PCGF3: variants seen among roughly 807,000 people sequenced by gnomAD.
PCGF3 encodes polycomb group ring finger 3.
PCGF3 carries 7 observed loss-of-function variants against 33.1 expected under a neutral mutation model. The ratio of observed to expected loss-of-function variants is 0.21; its 90% confidence interval spans 0.12 to 0.40. PCGF3 has a LOEUF of 0.40. Among genes scored for constraint, PCGF3 ranks in the 10% least tolerant of loss-of-function variants. PCGF3 has a pLI of 1.00. For synonymous variants in PCGF3, 153 were observed against 121.3 expected, an observed-to-expected ratio of 1.26 and a Z score of -1.72; for missense variants, 211 against 313.3, an observed-to-expected ratio of 0.67 and a Z score of 2.46.
Position 754,619 on chromosome 4 carries a change from C to T in PCGF3, c.463-6660C>T, listed in dbSNP as rs189494560. ...GGTGGTGAGTCCGGGGCAGAGTGAA[C>T]GGGTAAGGCTGGAGGTGAGGTTGGG... is the stretch of plus-strand genomic sequence containing the variant. On this transcript the variant is annotated intron_variant, in intron 8 of 10. Transcript: ENST00000362003. Among the ~76,000 whole-genome samples the T allele has an allele frequency of 2.6e-4, 40 of 152,278 alleles. No homozygotes were observed. The East Asian group carries it at 4.6e-3, about 18-fold the overall frequency.
chr4:742,241 CCCT>C (rs777994421), intron 6 of PCGF3, among the ~76,000 whole-genome samples: 47 of 151,724 alleles, frequency 3.1e-4, no homozygotes, highest in Non-Finnish European at 6.6e-4. Context: ...TCTCGGGGTC[CCCT>C]CCTCTCTCTG....
intron 9 of PCGF3, 68 bp from the exon 10 acceptor site, chr4:764,916 A>C: frequency 9.5e-7 from 1 of 1,049,784 alleles, no homozygotes; most frequent in Non-Finnish European, 1.5e-6. Context: ...TCATACCAGC[A>C]TCAAGGTGGC....
chr4:722,432 T>G, intron 1 of PCGF3: 1 of 258,036 alleles, frequency 3.9e-6, no homozygotes, highest in Non-Finnish European at 7.6e-6. Flanking sequence ...TTTGGGGGTG[T>G]CTGAGCTGGG....
At chr4:733,598 G>T (rs1743711080) in intron 3 of PCGF3, 74 bp from the exon 4 acceptor site, 2 of 1,472,530 alleles carry the variant, frequency 1.4e-6, no homozygotes, top group Admixed American at 2.0e-5. Context: ...CCTGGGGGCG[G>T]CTGTCAGAGC....
intron 1 of PCGF3, among the ~76,000 whole-genome samples, chr4:724,358 G>A (rs576438164): frequency 3.3e-5 from 5 of 152,220 alleles, no homozygotes; most frequent in Admixed American, 6.5e-5. Context: ...CACCACAGCC[G>A]GCCGCACAGG....
At chr4:768,742 T>A (rs1196828954) in exon 11 of PCGF3, 1 of 152,658 alleles carries the variant, frequency 6.6e-6, no homozygotes, top group Non-Finnish European at 1.5e-5. Flanking sequence ...TATCATATTT[T>A]CCCATCCAAT....
intron 1 of PCGF3, among the ~76,000 whole-genome samples, chr4:708,739 C>G (rs1222405835): frequency 6.6e-6 from 1 of 152,210 alleles, no homozygotes; most frequent in African/African-American, 2.4e-5. Flanking sequence ...GAGTGCCCCA[C>G]TTCCTCAGTG....
rs13152804 is a variant in PCGF3 at position 758,666 on chromosome 4, A to C, written c.463-2613A>C. On this transcript the variant is annotated intron_variant, in intron 8 of 10. Coordinates refer to ENST00000362003, the Ensembl canonical transcript of PCGF3. ...CCGAGTTCTTCTCCTTCCGGACTCC[A>C]GGTCTTTCTCCCCGCGCGGCCCCTC... Among the ~76,000 whole-genome samples, 5 of 28,284 alleles carry C rather than the reference A, an allele frequency of 1.8e-4. 1 individual carries two copies. The highest frequency in any genetic ancestry group is 6.7e-4 in the African/African-American group (4 of 5,954). 18.6% of individuals were successfully genotyped at this position (28,284 alleles called of 152,430 possible).
chr4:739,441 C>T (rs1743989041), intron 6 of PCGF3, among the ~76,000 whole-genome samples: 1 of 152,232 alleles, frequency 6.6e-6, no homozygotes, highest in East Asian at 1.9e-4. Context: ...GTCCTCCTGC[C>T]TTGGCCTCCC....
chr4:737,586 C>T lies in PCGF3; in HGVS notation c.262+65C>T, dbSNP rs1344029409. The T allele has an allele frequency of 7.6e-6, 8 of 1,050,234 alleles. No individual in the cohort carries two copies. In the East Asian group the frequency reaches 1.9e-4, roughly 25 times the overall value. 65.1% of individuals were successfully genotyped at this position (1,050,234 alleles called of 1,614,324 possible). A position where few individuals can be genotyped will look rare whatever the true frequency, so the allele number is the denominator to read the frequency against. ...CCTGGCCTCTGCAGCCCCTGCTCTC[C>T]TGGAAGTTTGGTTCTCGGATGGGAG... On this transcript the variant is annotated intron_variant, in intron 6 of 10. Coordinates refer to ENST00000362003, the Ensembl canonical transcript of PCGF3.
intron 8 of PCGF3, among the ~76,000 whole-genome samples, chr4:751,548 C>CT (rs1158320236): frequency 6.6e-6 from 1 of 152,024 alleles, no homozygotes; most frequent in African/African-American, 2.4e-5. Context: ...CGTTTCTTCT[C>CT]TTAACTCTTA....
chr4:736,012 T>G (rs1213265713), intron 5 of PCGF3, among the ~76,000 whole-genome samples: 1 of 152,250 alleles, frequency 6.6e-6, no homozygotes, highest in East Asian at 1.9e-4. Context: ...AAGGCAGATG[T>G]GTTTGTTTTT....
chr4:751,075 T>TA (rs1387586219), intron 8 of PCGF3, among the ~76,000 whole-genome samples: 1 of 152,144 alleles, frequency 6.6e-6, no homozygotes, highest in Admixed American at 6.5e-5. Flanking sequence ...CCATGAGGGC[T>TA]TGGATCCGGT....
chr4:763,899 G>A (rs918133888), intron 9 of PCGF3, among the ~76,000 whole-genome samples: 59 of 152,220 alleles, frequency 3.9e-4, no homozygotes, highest in African/African-American at 1.4e-3. Context: ...GTCGGGCCAA[G>A]AGCAGGCACA....
intron 7 of PCGF3, chr4:744,089 C>CCGGGGGTCGCTGCAGTGTTAG: frequency 6.1e-6 from 1 of 164,668 alleles, no homozygotes; most frequent in Non-Finnish European, 1.3e-5. Context: ...TGGGAGGGGC[C>CCGGGGGTCGCTGCAGTGTTAG]TGGCTCTGTC....
In PCGF3 at chr4:752,062, C is replaced by T. The variant is rs544556951; in HGVS notation, c.462+7374C>T. Among the ~76,000 whole-genome samples, 8 of 152,308 alleles carry T rather than the reference C, an allele frequency of 5.3e-5. No homozygotes were observed. In the Middle Eastern group the frequency reaches 0.01, roughly 194 times the overall value. The stretch of plus-strand genomic sequence containing the variant: ...TGTCTTCTAAACCAAAAATACTTGA[C>T]GGGGCCTTTCTTTCTGTTTTCCGAG... On this transcript the variant is annotated intron_variant, in intron 8 of 10. Coordinates refer to ENST00000362003, the Ensembl canonical transcript of PCGF3.
chr4:714,665 C>T (rs1273748069), intron 1 of PCGF3, among the ~76,000 whole-genome samples: 2 of 152,170 alleles, frequency 1.3e-5, no homozygotes, highest in Non-Finnish European at 2.9e-5. Flanking sequence ...GTCTCCCTGT[C>T]CGTGGACCGG....
At chr4:727,046 G>A (rs576968116) in intron 1 of PCGF3, among the ~76,000 whole-genome samples, 7 of 152,258 alleles carry the variant, frequency 4.6e-5, no homozygotes, top group South Asian at 2.1e-4. Context: ...CTGTGGGATC[G>A]TGGGCACCTG....
chr4:754,687 G>A (rs1744690498), intron 8 of PCGF3, among the ~76,000 whole-genome samples: 1 of 152,200 alleles, frequency 6.6e-6, no homozygotes, highest in South Asian at 2.1e-4. Context: ...TCACCCAGAG[G>A]AGGGAGATGA....
Sources: allele counts gnomAD v4.1 joint callset (sites outside exome capture counted in the v4.1 genomes callset), GRCh38; gene constraint gnomAD v4.1.1; transcripts MANE v1.5; gene names NCBI Gene and HGNC (gene_info 2026-07-23, HGNC 2026-07-21).